Variants in PRKG1 observed in about 807,000 individuals in gnomAD.
PRKG1 encodes the protein protein kinase cGMP-dependent 1.
Under a neutral mutation model 88.1 loss-of-function variants are expected in PRKG1, and 35 were observed. That is an observed-to-expected ratio of 0.40 (90% CI 0.30 to 0.53). The LOEUF (loss-of-function observed/expected upper bound fraction) is 0.53. PRKG1 is among the 20% of genes least tolerant of loss of function. PRKG1 has a pLI of 0.59. For missense variants in PRKG1, 540 were observed against 839.8 expected (o/e 0.64, Z 4.41); for synonymous variants, 303 against 292.5 (o/e 1.04, Z -0.37).
intron 3 of PRKG1, among the ~76,000 whole-genome samples, chr10:51,651,893 T>C (rs1296215533): frequency 6.6e-6 from 1 of 152,194 alleles, no homozygotes; most frequent in Non-Finnish European, 1.5e-5. Context: ...TTACTTCTAA[T>C]AAACAGTAAA....
rs563626244 is a variant in PRKG1, at chr10:52,212,256, A to G, written c.1077-39314A>G. Reference sequence around the variant, plus strand: ...GCTTTAGTCAGAGAAGGTTTGAGCAATCGGCCACCAGTGATTGGCCTAAGC... The same window carrying G: ...GCTTTAGTCAGAGAAGGTTTGAGCAGTCGGCCACCAGTGATTGGCCTAAGC... On this transcript the variant is annotated intron_variant, in intron 9 of 17. Coordinates refer to ENST00000373980, the MANE Select transcript of PRKG1 (RefSeq NM_006258.4). Among the ~76,000 whole-genome samples, 23 of 152,334 alleles carry G rather than the reference A, an allele frequency of 1.5e-4. No individual in the cohort carries two copies. In the East Asian group the frequency reaches 4.2e-3, roughly 28 times the overall value.
chr10:52,062,441 AAAG>A (rs1846258604), intron 6 of PRKG1, 93 bp from the exon 7 acceptor site: 2 of 725,172 alleles, frequency 2.8e-6, no homozygotes, highest in Admixed American at 3.7e-5. Flanking sequence ...AAAAATAAGA[AAAG>A]AAACAAGAAA....
At chr10:51,426,497 G>A (rs186858936) in intron 2 of PRKG1, among the ~76,000 whole-genome samples, 47 of 152,224 alleles carry the variant, frequency 3.1e-4, no homozygotes, top group Admixed American at 2.9e-3. Context: ...TATATACTAT[G>A]GTGATAGACA....
intron 7 of PRKG1, among the ~76,000 whole-genome samples, chr10:52,089,750 C>A (rs559095105): frequency 2.0e-5 from 3 of 151,350 alleles, no homozygotes; most frequent in Non-Finnish European, 4.4e-5. Context: ...AGCAGTGACA[C>A]CCTCATAGCA....
intron 2 of PRKG1, among the ~76,000 whole-genome samples, chr10:51,307,838 G>A (rs544371238): frequency 3.9e-5 from 6 of 152,018 alleles, no homozygotes; most frequent in Non-Finnish European, 8.8e-5. Context: ...TGTGTATTAA[G>A]AGCAGATTAA....
chr10:51,099,802 A>G (rs1385464923), intron 1 of PRKG1, among the ~76,000 whole-genome samples: 1 of 152,228 alleles, frequency 6.6e-6, no homozygotes, highest in African/African-American at 2.4e-5. Context: ...TTTTTTGATC[A>G]TACACTTTGC....
At chr10:52,193,738 A>G (rs1839434700) in intron 9 of PRKG1, among the ~76,000 whole-genome samples, 3 of 152,190 alleles carry the variant, frequency 2.0e-5, no homozygotes, top group Non-Finnish European at 4.4e-5. Flanking sequence ...GCAAAAGGCA[A>G]ATCTTCCTTT....
chr10:51,081,915 C>A (rs764778987), intron 1 of PRKG1, among the ~76,000 whole-genome samples: 2 of 152,162 alleles, frequency 1.3e-5, no homozygotes, highest in Non-Finnish European at 2.9e-5. Context: ...TAGCACCACA[C>A]CTGGATAATT....
At chr10:51,231,818 A>G (rs1838853993) in intron 2 of PRKG1, among the ~76,000 whole-genome samples, 1 of 152,148 alleles carries the variant, frequency 6.6e-6, no homozygotes. Context: ...TTTACATTGC[A>G]ATCTAAATAT....
chr10:51,081,695 T>C (rs1844115371), intron 1 of PRKG1, among the ~76,000 whole-genome samples: 2 of 152,236 alleles, frequency 1.3e-5, no homozygotes, highest in Non-Finnish European at 1.5e-5. Flanking sequence ...TATGGAGCAC[T>C]AACTCTGTGC....
rs140217729 is a variant in PRKG1, at chr10:51,334,092, A to G, written c.479-133631A>G. Among the ~76,000 whole-genome samples the G allele has an allele frequency of 3.4e-3, 508 of 150,510 alleles. 20 individuals are homozygous for G. The highest frequency in any genetic ancestry group is 0.028 in the Admixed American group (424 of 15,050). Reference sequence around the variant, plus strand: ...ATCTCTTGCCTCTGGTCTTCTTCCCATGCTGGTTTTATTGGCTTGTAATAG... The same window carrying G: ...ATCTCTTGCCTCTGGTCTTCTTCCCGTGCTGGTTTTATTGGCTTGTAATAG... On this transcript the variant is annotated intron_variant, in intron 2 of 17. Transcript: ENST00000373980.
chr10:52,106,723 T>TAATAATAAG lies in PRKG1; in HGVS notation c.936-27109_936-27108insGAATAATAA, dbSNP rs1032207698. Among the ~76,000 whole-genome samples, 809 of 147,524 alleles carry TAATAATAAG rather than the reference T, an allele frequency of 5.5e-3. 4 individuals carry two copies. Among genetic ancestry groups the TAATAATAAG allele is most frequent in the Middle Eastern group, 0.022 (6 of 278 alleles). ...TGTCCCAAAATAATAATAATAATAATAATAATAATAATAATAATAATAATA... is the reference window on the plus strand; with the variant it reads ...TGTCCCAAAATAATAATAATAATAATAATAATAAGAATAATAATAATAATAATAATAATA... On this transcript the variant is annotated intron_variant, in intron 7 of 17. Transcript: ENST00000373980.
At chr10:52,161,365 T>C (rs1314477324) in intron 8 of PRKG1, among the ~76,000 whole-genome samples, 4 of 152,072 alleles carry the variant, frequency 2.6e-5, no homozygotes, top group Non-Finnish European at 5.9e-5. Flanking sequence ...TTTTCCTGTA[T>C]TCTTCATATT....
chr10:52,245,168 C>G (rs907628354), intron 9 of PRKG1, among the ~76,000 whole-genome samples: 2 of 151,618 alleles, frequency 1.3e-5, no homozygotes, highest in Non-Finnish European at 2.9e-5. Flanking sequence ...TAGACCAGAT[C>G]TATATATTTT....
intron 3 of PRKG1, among the ~76,000 whole-genome samples, chr10:51,591,636 G>A (rs1160350817): frequency 6.6e-6 from 1 of 152,120 alleles, no homozygotes; most frequent in African/African-American, 2.4e-5. Context: ...TATTCAAACT[G>A]GAATGAAGGC....
chr10:51,417,032 A>G (rs1588937159), intron 2 of PRKG1, among the ~76,000 whole-genome samples: 1 of 152,158 alleles, frequency 6.6e-6, no homozygotes, highest in African/African-American at 2.4e-5. Context: ...GACCCCAGTG[A>G]TTCACCACCA....
At chr10:52,104,724 ATTTC>A (rs1847374507) in intron 7 of PRKG1, among the ~76,000 whole-genome samples, 1 of 152,156 alleles carries the variant, frequency 6.6e-6, no homozygotes, top group African/African-American at 2.4e-5. Context: ...AAAACATCCT[ATTTC>A]TTTATGAACT....
At chr10:51,197,314 C>T (rs889573815) in intron 2 of PRKG1, among the ~76,000 whole-genome samples, 4 of 151,900 alleles carry the variant, frequency 2.6e-5, no homozygotes, top group Non-Finnish European at 1.5e-5. Flanking sequence ...ACTCTGTCTC[C>T]CAGGCTGGAG....
At chr10:51,174,372 A>T (rs9414858) in intron 2 of PRKG1, among the ~76,000 whole-genome samples, 9,971 of 151,958 alleles carry the variant, frequency 0.066, 679 homozygotes, top group African/African-American at 0.17. Flanking sequence ...ATAAATACTA[A>T]ATTCTTTTTA....
Sources: allele counts gnomAD v4.1 joint callset (sites outside exome capture counted in the v4.1 genomes callset), GRCh38; gene constraint gnomAD v4.1.1; transcripts MANE v1.5; gene names NCBI Gene and HGNC (gene_info 2026-07-23, HGNC 2026-07-21).